The following COG5 variants were observed in gnomAD, a reference collection of about 807,000 sequenced individuals.
COG5 encodes the protein component of oligomeric golgi complex 5, also known as conserved oligomeric Golgi complex subunit 5.
A neutral mutation model predicts 110.4 loss-of-function variants in COG5; 86 were observed. That is an observed-to-expected ratio of 0.78 (90% CI 0.65 to 0.93). The LOEUF (loss-of-function observed/expected upper bound fraction) is 0.93, where lower values mean the gene tolerates loss of function less well. COG5 is among the 40% of genes least tolerant of loss of function. COG5 has a pLI of 0.00. For missense variants in COG5, 1,077 were observed against 987.0 expected (o/e 1.09, Z -1.22); for synonymous variants, 360 against 334.6 (o/e 1.08, Z -0.83).
chr7:107,281,257 T>A, intron 14 of COG5, 43 bp downstream of exon 14: 3 of 1,276,446 alleles, frequency 2.4e-6, no homozygotes, highest in Non-Finnish European at 3.4e-6. Context: ...TTAGTAATTT[T>A]AAATAAAATC....
chr7:107,406,812 G>C (rs1791878154), intron 7 of COG5, among the ~76,000 whole-genome samples: 1 of 151,982 alleles, frequency 6.6e-6, no homozygotes, highest in South Asian at 2.1e-4. Flanking sequence ...ACTGCATAAA[G>C]ATATATACAA....
At chr7:107,298,708 A>G (rs1486230270) in intron 11 of COG5, among the ~76,000 whole-genome samples, 6 of 152,204 alleles carry the variant, frequency 3.9e-5, no homozygotes, top group African/African-American at 1.2e-4. Context: ...CATTCACACA[A>G]TACTTCATGC....
intron 19 of COG5, among the ~76,000 whole-genome samples, chr7:107,224,128 C>T (rs186022545): frequency 2.0e-5 from 3 of 152,142 alleles, no homozygotes; most frequent in East Asian, 1.9e-4. Flanking sequence ...TCAGAGAAAC[C>T]GTTATTTCAA....
intron 14 of COG5, 74 bp from the exon 15 acceptor site, chr7:107,258,457 CACACAT>C (rs1174026866): frequency 7.3e-6 from 6 of 818,966 alleles, no homozygotes; most frequent in Admixed American, 1.7e-5. Flanking sequence ...CTCTCACACA[CACACAT>C]ACACACACAC....
chr7:107,405,558 A>C (rs1481879815), intron 7 of COG5, among the ~76,000 whole-genome samples: 2 of 152,242 alleles, frequency 1.3e-5, no homozygotes, highest in Non-Finnish European at 2.9e-5. Flanking sequence ...ACACACAATT[A>C]AACTCAGAAA....
intron 7 of COG5, among the ~76,000 whole-genome samples, chr7:107,379,539 A>C (rs866109817): frequency 6.6e-6 from 1 of 150,712 alleles, no homozygotes; most frequent in Non-Finnish European, 1.5e-5. Context: ...CTCACGTGCA[A>C]TGACACACAC....
chr7:107,316,757 A>G (rs1446543078), intron 11 of COG5, among the ~76,000 whole-genome samples: 3 of 139,050 alleles, frequency 2.2e-5, no homozygotes, highest in East Asian at 2.0e-4. Flanking sequence ...GCGTGAACCC[A>G]GGAGGCGGAG....
intron 5 of COG5, among the ~76,000 whole-genome samples, chr7:107,530,612 A>AC (rs1007830658): frequency 3.3e-5 from 5 of 151,076 alleles, no homozygotes; most frequent in East Asian, 1.9e-4. Flanking sequence ...AAAAAAAAAA[A>AC]AAAAAAAAAA....
chr7:107,294,407 G>T (rs968541131), intron 12 of COG5, among the ~76,000 whole-genome samples: 1 of 152,022 alleles, frequency 6.6e-6, no homozygotes, highest in African/African-American at 2.4e-5. Flanking sequence ...CTCTTATCTG[G>T]ATAAACAAAA....
In COG5 at chr7:107,202,770, T is replaced by A. The variant is rs1335191819; in HGVS notation, c.*746A>T. 1.3e-5 allele frequency: 2 copies of A among 152,158 alleles called. No individual in the cohort carries two copies. The highest frequency in any genetic ancestry group is 1.3e-4 in the Admixed American group (2 of 15,274). 9.4% of individuals were successfully genotyped at this position (152,158 alleles called of 1,614,324 possible). ...AGAGAATTGCTATACAATAAAAATTTTTATTTTTCACGTGGCATTTTTGTT... is the reference window on the plus strand; with the variant it reads ...AGAGAATTGCTATACAATAAAAATTATTATTTTTCACGTGGCATTTTTGTT... On this transcript the variant is annotated 3_prime_UTR_variant, in exon 22 of 22. Coordinates refer to ENST00000297135, the MANE Select transcript of COG5 (RefSeq NM_006348.5).
chr7:107,477,355 A>G (rs1018222898), intron 6 of COG5, among the ~76,000 whole-genome samples: 1 of 151,734 alleles, frequency 6.6e-6, no homozygotes, highest in African/African-American at 2.4e-5. Flanking sequence ...CATATTAAGA[A>G]AAACTCCCTT....
In COG5 at chr7:107,283,790, G is replaced by C. The variant is rs1390887861; in HGVS notation, c.1314-58C>G. ...AAATTGCACAGAGCTAAATGCTATT[G>C]TATCAGGCTGTAAATACCTTTTTAA... On this transcript the variant is annotated intron_variant, in intron 12 of 21. Transcript: ENST00000297135. 4.0e-6 allele frequency: 5 copies of C among 1,244,656 alleles called. No individual in the cohort carries two copies. The East Asian group carries it at 1.2e-4, about 29-fold the overall frequency. The allele number at this position is 1,244,656 out of a possible 1,614,324, so 77.1% of individuals were successfully genotyped here.
rs116983668 is a variant in COG5 at position 107,518,958 on chromosome 7, C to T, written c.538+8279G>A. Among the ~76,000 whole-genome samples, 1,364 of 152,252 alleles carry T rather than the reference C, an allele frequency of 9.0e-3. 8 individuals carry two copies. Among genetic ancestry groups the T allele is most frequent in the Non-Finnish European group, 0.015 (1,039 of 67,996 alleles). ...AAGAATGGAAATCATAACAAACAGT[C>T]CACAATGCAATCAAATTAGAACTCG... On this transcript the variant is annotated intron_variant, in intron 6 of 21. Coordinates refer to ENST00000297135, the MANE Select transcript of COG5 (RefSeq NM_006348.5).
At chr7:107,294,911 G>A (rs1806500445) in intron 12 of COG5, among the ~76,000 whole-genome samples, 2 of 87,038 alleles carry the variant, frequency 2.3e-5, no homozygotes, top group Non-Finnish European at 5.2e-5. Context: ...GTGTGTGTGT[G>A]TGTGTGTGTG....
chr7:107,276,106 T>C (rs1804686214), intron 14 of COG5, among the ~76,000 whole-genome samples: 1 of 152,208 alleles, frequency 6.6e-6, no homozygotes, highest in South Asian at 2.1e-4. Context: ...TGCAACCTGA[T>C]TAAATGCCAA....
intron 6 of COG5, among the ~76,000 whole-genome samples, chr7:107,459,973 T>A (rs1462983540): frequency 2.0e-5 from 3 of 152,126 alleles, no homozygotes; most frequent in Non-Finnish European, 4.4e-5. Flanking sequence ...ATAGATTATA[T>A]ACTGAGCCAT....
chr7:107,204,720 T>G (rs909280858), intron 21 of COG5, among the ~76,000 whole-genome samples: 1 of 152,146 alleles, frequency 6.6e-6, no homozygotes, highest in Non-Finnish European at 1.5e-5. Flanking sequence ...ACTGATCAGT[T>G]TGTAGTGCCC....
At position 107,248,456 on chromosome 7, in the gene COG5, G is replaced by A; in HGVS notation, c.1793C>T (p.Thr598Ile). 1.2e-6 allele frequency: 2 copies of A among 1,611,010 alleles called. No individual in the cohort carries two copies. The highest frequency in any genetic ancestry group is 1.7e-6 in the Non-Finnish European group (2 of 1,178,516). The part of the protein sequence containing the change: ...LMENAVQPLL[T>I]SVGDAIEAII... ...GGCCTCTATAGCATCTCCCACAGAA[G>A]TGAGTAAGGGTTGCACAGCATTTTC... Residue 598 changes from threonine to isoleucine, a missense_variant, in exon 17 of 22, where the codon ACT becomes ATT. Coordinates refer to ENST00000297135, the MANE Select transcript of COG5 (RefSeq NM_006348.5).
chr7:107,545,814 GA>G (rs932464786), intron 5 of COG5, among the ~76,000 whole-genome samples: 1 of 137,896 alleles, frequency 7.3e-6, no homozygotes, highest in African/African-American at 2.7e-5. Context: ...AGAAAAGAAA[GA>G]AAAAAACCAA....
Sources: gnomAD v4.1 joint callset for allele counts (sites outside exome capture counted in the v4.1 genomes callset) on GRCh38, gnomAD v4.1.1 for gene constraint, MANE v1.5 for transcripts, NCBI Gene and HGNC (gene_info 2026-07-23, HGNC 2026-07-21) for gene names.